Variants in LPP observed in about 807,000 individuals in gnomAD.
The protein encoded by LPP is LIM domain containing preferred translocation partner in lipoma, also known as lipoma-preferred partner.
LPP carries 38 observed loss-of-function variants against 60.4 expected under a neutral mutation model. The observed-to-expected ratio is 0.63, with a 90% CI of 0.49 to 0.83. LPP has a LOEUF of 0.83. LPP is among the 40% of genes least tolerant of loss of function. The probability of loss-of-function intolerance (pLI) is 0.00; values close to 1 mark genes in which losing one functional copy is unlikely to be tolerated. For synonymous variants in LPP, 328 were observed against 290.8 expected (o/e 1.13, Z -1.30); for missense variants, 902 against 783.6 (o/e 1.15, Z -1.80).
At chr3:188,688,416 C>T (rs1214176933) in intron 7 of LPP, among the ~76,000 whole-genome samples, 1 of 152,202 alleles carries the variant, frequency 6.6e-6, no homozygotes. Flanking sequence ...ATTGATGCCT[C>T]TGATGTTATG....
chr3:188,408,862 C>T (rs941145225), intron 4 of LPP, among the ~76,000 whole-genome samples: 3 of 151,870 alleles, frequency 2.0e-5, no homozygotes, highest in Admixed American at 6.6e-5. Flanking sequence ...ATCCAGCATG[C>T]GGTACTGCCT....
chr3:188,357,300 A>G (rs891023813), intron 3 of LPP, among the ~76,000 whole-genome samples: 2 of 152,236 alleles, frequency 1.3e-5, no homozygotes, highest in Admixed American at 1.3e-4. Flanking sequence ...ATTTCACTAG[A>G]TGCTGAAACA....
Position 188,886,983 on chromosome 3 carries a change from G to A in LPP, c.*12504G>A, listed in dbSNP as rs990507487. 5 of 231,234 alleles carry A rather than the reference G, an allele frequency of 2.2e-5. No homozygotes were observed. The highest frequency in any genetic ancestry group is 3.4e-5 in the Non-Finnish European group (4 of 116,922). The allele number at this position is 231,234 out of a possible 1,614,324, so 14.3% of individuals were successfully genotyped here. Reference sequence around the variant, plus strand: ...GGAAACAGGTATTTATCTCTCATGCGTGATTCTCTCTTTATATTTCTATCT... The same window carrying A: ...GGAAACAGGTATTTATCTCTCATGCATGATTCTCTCTTTATATTTCTATCT... On this transcript the variant is annotated 3_prime_UTR_variant, in exon 12 of 12. Coordinates refer to ENST00000617246, the MANE Select transcript of LPP (RefSeq NM_001375462.1).
At position 188,321,269 on chromosome 3, in the gene LPP, A is replaced by C. The variant is rs1578091852; in HGVS notation, c.-66-20394A>C. 2.0e-5 allele frequency among the ~76,000 whole-genome samples: 3 copies of C among 152,358 alleles called. No individual in the cohort carries two copies. In the South Asian group the frequency reaches 6.2e-4, roughly 32 times the overall value. ...CTGTATAATATGGCAGCCACTAACC[A>C]CATGTGGCTGTTGAGCACTTGAAAG... On this transcript the variant is annotated intron_variant, in intron 2 of 11. Coordinates refer to ENST00000617246, the MANE Select transcript of LPP (RefSeq NM_001375462.1).
At chr3:188,468,488 C>A (rs530441685) in intron 4 of LPP, among the ~76,000 whole-genome samples, 40 of 152,284 alleles carry the variant, frequency 2.6e-4, no homozygotes, top group African/African-American at 9.4e-4. Flanking sequence ...GACCTGTAGA[C>A]TAGCGGACCT....
intron 6 of LPP, among the ~76,000 whole-genome samples, chr3:188,544,355 G>A (rs1456967844): frequency 6.6e-6 from 1 of 152,178 alleles, no homozygotes; most frequent in Non-Finnish European, 1.5e-5. Context: ...TGGTTACCCA[G>A]TTTATAACAT....
intron 9 of LPP, among the ~76,000 whole-genome samples, chr3:188,840,317 C>T (rs1759612778): frequency 6.6e-6 from 1 of 152,140 alleles, no homozygotes; most frequent in African/African-American, 2.4e-5. Context: ...TACCTACATA[C>T]AACTACATCT....
chr3:188,775,028 T>C (rs556229522), intron 9 of LPP, among the ~76,000 whole-genome samples: 71 of 152,056 alleles, frequency 4.7e-4, no homozygotes, highest in African/African-American at 1.7e-3. Flanking sequence ...CCTATGCTTC[T>C]AGTTATATAG....
At chr3:188,826,512 T>C (rs1320782257) in intron 9 of LPP, among the ~76,000 whole-genome samples, 4 of 152,150 alleles carry the variant, frequency 2.6e-5, no homozygotes, top group African/African-American at 9.7e-5. Flanking sequence ...TATCTAGATA[T>C]CTTAGATTGC....
At chr3:188,380,227 A>G (rs563359942) in intron 3 of LPP, among the ~76,000 whole-genome samples, 54 of 152,342 alleles carry the variant, frequency 3.5e-4, no homozygotes, top group African/African-American at 1.2e-3. Context: ...GTTTTCTGTT[A>G]TAATTATTTT....
chr3:188,155,313 A>G (rs1423060077), intron 1 of LPP, among the ~76,000 whole-genome samples: 2 of 152,142 alleles, frequency 1.3e-5, no homozygotes, highest in Non-Finnish European at 2.9e-5. Flanking sequence ...TTTTGCTAGT[A>G]CCAAACTCAC....
intron 5 of LPP, among the ~76,000 whole-genome samples, chr3:188,503,028 A>G (rs1300193771): frequency 1.3e-5 from 2 of 152,004 alleles, no homozygotes; most frequent in African/African-American, 4.8e-5. Context: ...TATTTTCTAT[A>G]TGCTTTATAG....
rs1297626615 is a variant in LPP at position 188,708,401 on chromosome 3, G to C, written c.1240+8G>C. On this transcript the variant is annotated splice_region_variant and intron_variant, in intron 8 of 11. Coordinates refer to ENST00000617246, the MANE Select transcript of LPP (RefSeq NM_001375462.1). ...CTGCTGACGAATACTTTGGTGAGTG[G>C]GGCCTAGAGCTGACTTCTGAAGTAA... The C allele has an allele frequency of 6.2e-7, 1 of 1,614,004 alleles. No homozygotes were observed. Among genetic ancestry groups the C allele is most frequent in the African/African-American group, 1.3e-5 (1 of 74,908 alleles).
chr3:188,795,507 G>T (rs1189155001), intron 9 of LPP, among the ~76,000 whole-genome samples: 2 of 152,130 alleles, frequency 1.3e-5, no homozygotes, highest in East Asian at 1.9e-4. Flanking sequence ...GGACAGTGGT[G>T]GGATGGTTAC....
At chr3:188,596,096 G>A (rs1196459155) in intron 6 of LPP, among the ~76,000 whole-genome samples, 1 of 152,154 alleles carries the variant, frequency 6.6e-6, no homozygotes, top group Non-Finnish European at 1.5e-5. Flanking sequence ...TGGCACAGGG[G>A]AGTGAATTCT....
At chr3:188,416,247 A>T (rs1786242799) in intron 4 of LPP, among the ~76,000 whole-genome samples, 1 of 152,126 alleles carries the variant, frequency 6.6e-6, no homozygotes, top group Non-Finnish European at 1.5e-5. Context: ...ATCCCTGCCA[A>T]AATGTATGGC....
Position 188,882,540 on chromosome 3 carries a change from G to T in LPP, c.*8061G>T, listed in dbSNP as rs899585342. 2 of 223,130 alleles carry T rather than the reference G, an allele frequency of 9.0e-6. No homozygotes were observed. The highest frequency in any genetic ancestry group is 8.9e-6 in the Non-Finnish European group (1 of 111,826). The allele number at this position is 223,130 out of a possible 1,614,324, so 13.8% of individuals were successfully genotyped here. On this transcript the variant is annotated 3_prime_UTR_variant, in exon 12 of 12. Transcript: ENST00000617246. ...GCCCTCCATGAACTTTATTATCACA[G>T]AATATGAGCATTCTTATTGATCCAC...
intron 7 of LPP, among the ~76,000 whole-genome samples, chr3:188,703,564 G>C (rs1864902845): frequency 6.6e-6 from 1 of 152,120 alleles, no homozygotes; most frequent in Non-Finnish European, 1.5e-5. Context: ...GTGGAGTGGA[G>C]GTGGAGGCTG....
intron 1 of LPP, chr3:188,178,873 T>C: frequency 4.5e-6 from 1 of 222,182 alleles, no homozygotes; most frequent in South Asian, 6.0e-5. Flanking sequence ...GGAAGAAGTT[T>C]CCTAGTAGCA....
Sources: allele counts gnomAD v4.1 joint callset (sites outside exome capture counted in the v4.1 genomes callset), GRCh38; gene constraint gnomAD v4.1.1; transcripts MANE v1.5; gene names NCBI Gene and HGNC (gene_info 2026-07-23, HGNC 2026-07-21).